MTCL1: variants seen among roughly 807,000 people sequenced by gnomAD.
MTCL1 encodes the protein microtubule cross-linking factor 1.
In MTCL1, 79 loss-of-function variants were observed where a neutral mutation model predicts 141.4. The ratio of observed to expected loss-of-function variants is 0.56; its 90% confidence interval spans 0.47 to 0.67. The LOEUF (loss-of-function observed/expected upper bound fraction) is 0.67, where lower values mean the gene tolerates loss of function less well. Among genes scored for constraint, MTCL1 ranks in the 30% least tolerant of loss-of-function variants. The pLI is 0.00. For missense variants in MTCL1, 2,177 were observed against 2,113.9 expected (o/e 1.03, Z -0.59); for synonymous variants, 914 against 875.8 (o/e 1.04, Z -0.77).
intron 4 of MTCL1, among the ~76,000 whole-genome samples, chr18:8,742,539 C>T (rs2096310211): frequency 6.6e-6 from 1 of 152,144 alleles, no homozygotes; most frequent in Admixed American, 6.5e-5. Context: ...ATCAGATCTC[C>T]TGAGAACTCA....
chr18:8,726,661 T>C (rs1270877693), intron 4 of MTCL1, among the ~76,000 whole-genome samples: 2 of 151,984 alleles, frequency 1.3e-5, no homozygotes, highest in Non-Finnish European at 2.9e-5. Flanking sequence ...CTTCCACATA[T>C]GAATTTGGGG....
chr18:8,766,359 A>T (rs946008383), intron 4 of MTCL1, among the ~76,000 whole-genome samples: 1 of 151,782 alleles, frequency 6.6e-6, no homozygotes, highest in African/African-American at 2.4e-5. Flanking sequence ...GGGAGAAAGG[A>T]GCAGCTGTCT....
At chr18:8,714,835 C>T (rs575674408), upstream of MTCL1, among the ~76,000 whole-genome samples, 35 of 151,968 alleles carry the variant, frequency 2.3e-4, 1 homozygote, top group South Asian at 5.2e-3. Flanking sequence ...CTCACTCCAT[C>T]GCCCAGGCTG....
At chr18:8,728,593 C>T (rs1230374991) in intron 4 of MTCL1, among the ~76,000 whole-genome samples, 3 of 152,030 alleles carry the variant, frequency 2.0e-5, no homozygotes, top group African/African-American at 7.2e-5. Context: ...GTCATGAAAT[C>T]TGGAGAATTC....
intron 11 of MTCL1, 78 bp from the exon 11 acceptor site, chr18:8,812,901 A>G: frequency 1.3e-6 from 2 of 1,527,514 alleles, no homozygotes; most frequent in African/African-American, 1.4e-5. Flanking sequence ...CAGGGATCAC[A>G]TGTAAATGTG....
intron 10 of MTCL1, among the ~76,000 whole-genome samples, chr18:8,800,083 G>C (rs1306678339): frequency 6.6e-6 from 1 of 152,190 alleles, no homozygotes; most frequent in Non-Finnish European, 1.5e-5. Context: ...ACAACCCTCT[G>C]TCTGTCCAAG....
intron 4 of MTCL1, among the ~76,000 whole-genome samples, chr18:8,740,314 G>A (rs1337337426): frequency 6.6e-6 from 1 of 152,140 alleles, no homozygotes; most frequent in Non-Finnish European, 1.5e-5. Context: ...AGAGAAGCAG[G>A]AACCCTCTGA....
rs773759453 is a variant in MTCL1 at position 8,784,621 on chromosome 18, G to C, written c.1509G>C (p.Glu503Asp). ...TCCAGGGCGAAGAGGAGCAGGGTGA[G>C]GGGGACCAGCAGGAGCCCCAGCTGC... is the stretch of plus-strand genomic sequence containing the variant. Residue 503 changes from glutamate (E) to aspartate (D), a missense_variant, in exon 6 of 17, where the codon GAG becomes GAC. Physicochemically the swap from Glu to Asp is conservative, Grantham distance 45 (BLOSUM62 2). Transcript: ENST00000359865. 4 of 1,613,444 alleles carry C rather than the reference G, an allele frequency of 2.5e-6. No individual in the cohort carries two copies. The East Asian group carries it at 8.9e-5, about 36-fold the overall frequency.
intron 13 of MTCL1, among the ~76,000 whole-genome samples, chr18:8,820,309 C>T (rs940779562): frequency 6.6e-6 from 1 of 151,984 alleles, no homozygotes; most frequent in African/African-American, 2.4e-5. Flanking sequence ...ACTTGGGAGA[C>T]TGAGGCAGGA....
At chr18:8,729,571 T>C (rs1020348987) in intron 4 of MTCL1, among the ~76,000 whole-genome samples, 4 of 151,516 alleles carry the variant, frequency 2.6e-5, no homozygotes, top group South Asian at 2.1e-4. Flanking sequence ...CCCAGCTGAC[T>C]GTAGAAAATC....
chr18:8,785,136 G>GC (rs2096547638), intron 6 of MTCL1, among the ~76,000 whole-genome samples: 1 of 152,002 alleles, frequency 6.6e-6, no homozygotes, highest in Non-Finnish European at 1.5e-5. Flanking sequence ...ACGAGGCTGA[G>GC]CCCAGTGGAA....
chr18:8,715,811 C>T (rs572513127), upstream of MTCL1, among the ~76,000 whole-genome samples: 1 of 152,300 alleles, frequency 6.6e-6, no homozygotes, highest in South Asian at 2.1e-4. Context: ...GGCACAGCTC[C>T]CATAGGGCGT....
intron 12 of MTCL1, among the ~76,000 whole-genome samples, chr18:8,818,160 C>T (rs1024265288): frequency 6.6e-6 from 1 of 152,196 alleles, no homozygotes; most frequent in Non-Finnish European, 1.5e-5. Flanking sequence ...GTGCACAACC[C>T]ATCTTACAGA....
chr18:8,758,272 C>T (rs2096412724), intron 4 of MTCL1, among the ~76,000 whole-genome samples: 1 of 152,114 alleles, frequency 6.6e-6, no homozygotes, highest in Non-Finnish European at 1.5e-5. Flanking sequence ...ATCCGCCTGC[C>T]TCGGCCTCCC....
chr18:8,750,909 C>T lies in MTCL1; in HGVS notation c.358-26924C>T, dbSNP rs568202209. ...AGCTGGGAGTGAGGCCTGCAGTTGCCTTCTCTGGATGCGTTGATAAAGTTA... is the reference window on the plus strand; with the variant it reads ...AGCTGGGAGTGAGGCCTGCAGTTGCTTTCTCTGGATGCGTTGATAAAGTTA... On this transcript the variant is annotated intron_variant, in intron 4 of 16. Coordinates refer to ENST00000359865, the Ensembl canonical transcript of MTCL1. 3.2e-4 allele frequency among the ~76,000 whole-genome samples: 48 copies of T among 152,244 alleles called. 1 individual carries two copies. The South Asian group carries it at 6.2e-3, about 20-fold the overall frequency.
Position 8,831,780 on chromosome 18 carries a change from C to G in MTCL1, c.*192C>G, listed in dbSNP as rs1448486874. 11 of 1,548,888 alleles carry G rather than the reference C, an allele frequency of 7.1e-6. No individual in the cohort carries two copies. In the South Asian group the frequency reaches 1.1e-4, roughly 15 times the overall value. ...AGGAGCATGGTGGCGAGGAGCCGCC[C>G]GAGGAGCAGCCACACCGAGATGCAA... On this transcript the variant is annotated 3_prime_UTR_variant, in exon 17 of 17. Transcript: ENST00000359865.
chr18:8,786,040 CGGGGACA>C lies in MTCL1; in HGVS notation c.1837_1843del (p.Gly613ProfsTer29). The C allele has an allele frequency of 6.2e-7, 1 of 1,602,124 alleles. No individual in the cohort carries two copies. Among genetic ancestry groups the C allele is most frequent in the Non-Finnish European group, 8.5e-7 (1 of 1,174,974 alleles). The stretch of plus-strand genomic sequence containing the variant: ...CGCGGGAGCTGCACCGCCGCGCAGA[CGGGGACA>C]CCGGGAGCCACGGGCTGGGAGGCCA... On this transcript the variant is annotated frameshift_variant, in exon 7 of 17. Transcript: ENST00000359865. LOFTEE classifies it high-confidence loss of function.
At chr18:8,747,731 A>C (rs80011082) in intron 4 of MTCL1, among the ~76,000 whole-genome samples, 2 of 152,178 alleles carry the variant, frequency 1.3e-5, no homozygotes, top group Non-Finnish European at 2.9e-5. Flanking sequence ...ATACAGGAAA[A>C]CAGAGAAGCT....
intron 1 of MTCL1, among the ~76,000 whole-genome samples, chr18:8,710,322 A>C (rs1021723205): frequency 9.5e-5 from 11 of 115,856 alleles, no homozygotes; most frequent in African/African-American, 4.3e-4. Context: ...CTTTTGTGTG[A>C]AAACACAGAC....
Sources: gnomAD v4.1 joint callset for allele counts (sites outside exome capture counted in the v4.1 genomes callset) on GRCh38, gnomAD v4.1.1 for gene constraint, MANE v1.5 for transcripts, NCBI Gene and HGNC (gene_info 2026-07-23, HGNC 2026-07-21) for gene names.